PPARGC1A: variants seen among roughly 807,000 people sequenced by gnomAD.
The protein encoded by PPARGC1A is PPARG coactivator 1 alpha, also known as peroxisome proliferator-activated receptor gamma coactivator 1-alpha.
A neutral mutation model predicts 88.7 loss-of-function variants in PPARGC1A; 25 were observed. That is an observed-to-expected ratio of 0.28 (90% CI 0.21 to 0.39). PPARGC1A has a LOEUF of 0.39. Among genes scored for constraint, PPARGC1A ranks in the 10% least tolerant of loss-of-function variants. The pLI, the probability that PPARGC1A is intolerant of heterozygous loss-of-function variation, is 1.00. For synonymous variants in PPARGC1A, 363 were observed against 355.6 expected (o/e 1.02, Z -0.24); for missense variants, 880 against 968.7 (o/e 0.91, Z 1.22).
the PPARGC1A span, among the ~76,000 whole-genome samples, chr4:24,265,662 A>G: frequency 6.6e-6 from 1 of 152,298 alleles, no homozygotes; most frequent in East Asian, 1.9e-4. Flanking sequence ...TTACTTGTAC[A>G]TGAAGATTTT....
chr4:24,281,298 T>G, the PPARGC1A span, among the ~76,000 whole-genome samples: 1 of 152,222 alleles, frequency 6.6e-6, no homozygotes, highest in Non-Finnish European at 1.5e-5. Context: ...GGCTCACAGT[T>G]CAGCAGACTG....
At chr4:23,844,316 T>G (rs377510941) in intron 2 of PPARGC1A, among the ~76,000 whole-genome samples, 8 of 140,182 alleles carry the variant, frequency 5.7e-5, no homozygotes, top group East Asian at 4.0e-4. Flanking sequence ...ACATATTATA[T>G]TAGAATAATC....
chr4:23,973,853 G>A, the PPARGC1A span, among the ~76,000 whole-genome samples: 1 of 152,010 alleles, frequency 6.6e-6, no homozygotes, highest in Non-Finnish European at 1.5e-5. Flanking sequence ...GGATGGGTTG[G>A]TAACCTTTAA....
intron 2 of PPARGC1A, among the ~76,000 whole-genome samples, chr4:23,849,976 T>C (rs1412369050): frequency 2.6e-5 from 4 of 151,400 alleles, no homozygotes; most frequent in Admixed American, 2.6e-4. Context: ...AGGAAAAAAA[T>C]AGACAAAAAT....
the PPARGC1A span, among the ~76,000 whole-genome samples, chr4:24,135,099 T>A: frequency 6.6e-6 from 1 of 152,146 alleles, no homozygotes; most frequent in Admixed American, 6.6e-5. Flanking sequence ...TTTACCTCCT[T>A]GGTGAACTAA....
At chr4:24,017,405 T>C in the PPARGC1A span, among the ~76,000 whole-genome samples, 36 of 152,046 alleles carry the variant, frequency 2.4e-4, no homozygotes, top group African/African-American at 8.2e-4. Flanking sequence ...GTGAGTTTTG[T>C]TGGGAAAGCT....
chr4:24,154,651 C>T, the PPARGC1A span, among the ~76,000 whole-genome samples: 2 of 152,128 alleles, frequency 1.3e-5, no homozygotes, highest in Non-Finnish European at 2.9e-5. Flanking sequence ...AGGCAAGATG[C>T]TTCTAAGCTG....
chr4:24,209,229 G>A, the PPARGC1A span, among the ~76,000 whole-genome samples: 1 of 152,110 alleles, frequency 6.6e-6, no homozygotes, highest in Non-Finnish European at 1.5e-5. Flanking sequence ...CAAGCCCAGG[G>A]GTCCTCCGGA....
At chr4:24,240,828 A>T in the PPARGC1A span, among the ~76,000 whole-genome samples, 1 of 152,096 alleles carries the variant, frequency 6.6e-6, no homozygotes, top group Non-Finnish European at 1.5e-5. Flanking sequence ...CCAGGGTCTA[A>T]GTTGGGTACA....
chr4:24,244,291 T>C, the PPARGC1A span, among the ~76,000 whole-genome samples: 1 of 152,236 alleles, frequency 6.6e-6, no homozygotes, highest in African/African-American at 2.4e-5. Flanking sequence ...TTTATTTCTC[T>C]ACATGTTAAA....
the PPARGC1A span, among the ~76,000 whole-genome samples, chr4:24,078,101 CA>C: frequency 9.4e-6 from 1 of 106,454 alleles, no homozygotes; most frequent in Non-Finnish European, 2.1e-5. Context: ...TCAGTTTCCT[CA>C]AATTTTTTTT....
At chr4:24,203,260 C>T in the PPARGC1A span, among the ~76,000 whole-genome samples, 8 of 152,128 alleles carry the variant, frequency 5.3e-5, no homozygotes, top group South Asian at 4.1e-4. Flanking sequence ...ATGACCAGGC[C>T]GGACGTGGTG....
At chr4:24,452,744 G>T in the PPARGC1A span, among the ~76,000 whole-genome samples, 3 of 152,174 alleles carry the variant, frequency 2.0e-5, no homozygotes, top group South Asian at 6.2e-4. Context: ...TGCCTTTGTG[G>T]AGTTTACAGT....
the PPARGC1A span, among the ~76,000 whole-genome samples, chr4:24,283,693 G>A: frequency 1.3e-5 from 2 of 152,142 alleles, no homozygotes; most frequent in Non-Finnish European, 2.9e-5. Context: ...GTGGTTAGAA[G>A]CAGAGGCCCT....
chr4:24,178,998 A>G, the PPARGC1A span, among the ~76,000 whole-genome samples: 12 of 152,108 alleles, frequency 7.9e-5, no homozygotes, highest in Non-Finnish European at 1.6e-4. Flanking sequence ...TTTGTTAATA[A>G]CAAAAGAGCC....
chr4:23,999,833 G>A, the PPARGC1A span, among the ~76,000 whole-genome samples: 1 of 152,136 alleles, frequency 6.6e-6, no homozygotes, highest in Non-Finnish European at 1.5e-5. Flanking sequence ...AGACGCAGCC[G>A]CCCCTCTGGA....
At chr4:24,166,454 T>C in the PPARGC1A span, among the ~76,000 whole-genome samples, 1 of 152,214 alleles carries the variant, frequency 6.6e-6, no homozygotes, top group Non-Finnish European at 1.5e-5. Context: ...TGGAAGAAGA[T>C]GCCATCTAGG....
At chr4:23,824,153 T>C (rs998305757) in intron 7 of PPARGC1A, 127 bp downstream of exon 7, 2 of 781,136 alleles carry the variant, frequency 2.6e-6, no homozygotes, top group Non-Finnish European at 4.1e-6. Flanking sequence ...GCAGATAACT[T>C]CTTATCCAAT....
At chr4:24,391,221 G>A in the PPARGC1A span, among the ~76,000 whole-genome samples, 1 of 152,106 alleles carries the variant, frequency 6.6e-6, no homozygotes, top group Non-Finnish European at 1.5e-5. Flanking sequence ...CAAAATTTGA[G>A]TTTGACTTGG....
Sources: gnomAD v4.1 joint callset for allele counts (sites outside exome capture counted in the v4.1 genomes callset) on GRCh38, gnomAD v4.1.1 for gene constraint, MANE v1.5 for transcripts, NCBI Gene and HGNC (gene_info 2026-07-23, HGNC 2026-07-21) for gene names.